EYS: variants seen among roughly 807,000 people sequenced by gnomAD.
The protein encoded by EYS is protein eyes shut homolog.
A neutral mutation model predicts 282.1 loss-of-function variants in EYS; 250 were observed. The ratio of observed to expected loss-of-function variants is 0.89; its 90% CI spans 0.80 to 0.98. EYS has a LOEUF of 0.98. Ranked by LOEUF, EYS falls within the 50% of genes least tolerant of loss-of-function variation. The pLI, the probability that EYS is intolerant of heterozygous loss-of-function variation, is 0.00. For missense variants in EYS, 4,016 were observed against 3,709.0 expected (o/e 1.08, Z -2.15); for synonymous variants, 1,355 against 1,282.9 (o/e 1.06, Z -1.20).
At chr6:65,574,398 G>T (rs751174879) in intron 2 of EYS, among the ~76,000 whole-genome samples, 4 of 152,144 alleles carry the variant, frequency 2.6e-5, no homozygotes, top group African/African-American at 7.2e-5. Context: ...TAACACATAA[G>T]AATGTATGTA....
intron 2 of EYS, among the ~76,000 whole-genome samples, chr6:65,500,865 A>T (rs1766424839): frequency 6.6e-6 from 1 of 151,926 alleles, no homozygotes; most frequent in Non-Finnish European, 1.5e-5. Flanking sequence ...AAGAGCCACA[A>T]GACTGTCACA....
intron 19 of EYS, among the ~76,000 whole-genome samples, chr6:64,858,731 T>C (rs1156923598): frequency 6.6e-6 from 1 of 152,154 alleles, no homozygotes; most frequent in Admixed American, 6.5e-5. Flanking sequence ...AGAAAAATTA[T>C]ATGAAATCAT....
At position 64,947,653 on chromosome 6, in the gene EYS, C is replaced by CT. The variant is rs67440131; in HGVS notation, c.2260-1740dup. ...ATTGGTTGCGTTTGGCTTATTTTTT[C>CT]TTTTTTTTTTTTTTTGTAAACATTA... On this transcript the variant is annotated intron_variant, in intron 14 of 42. Transcript: ENST00000503581. 4.2e-3 allele frequency among the ~76,000 whole-genome samples: 542 copies of CT among 129,244 alleles called. 1 individual carries two copies. The highest frequency in any genetic ancestry group is 0.019 in the East Asian group (86 of 4,472). The allele number at this position is 129,244 out of a possible 152,430, so 84.8% of individuals were successfully genotyped here.
At chr6:65,141,795 T>C (rs1192770085) in intron 12 of EYS, among the ~76,000 whole-genome samples, 2 of 152,076 alleles carry the variant, frequency 1.3e-5, no homozygotes, top group Non-Finnish European at 2.9e-5. Flanking sequence ...CACAAAATTT[T>C]CAAGGGTTGA....
Position 64,591,812 on chromosome 6 carries a change from T to G in EYS, c.4055A>C (p.Asn1352Thr). The change falls in exon 26 of 43, where the codon AAT becomes ACT. Residue 1352 changes from asparagine to threonine, a missense_variant. Asn to Thr is a moderately conservative substitution (Grantham distance 65). Coordinates refer to ENST00000503581, the MANE Select transcript of EYS (RefSeq NM_001142800.2). Reference protein sequence around the residue: ...SADVSSSRFLNFGIRDPAQIV... With the variant: ...SADVSSSRFLTFGIRDPAQIV... ...TTGTGCTGGGTCACGAATACCAAAA[T>G]TCAGGAATCGAGAAGAGGAAACATC... 1.3e-6 allele frequency: 2 copies of G among 1,551,248 alleles called. No homozygotes were observed. Among genetic ancestry groups the G allele is most frequent in the Non-Finnish European group, 1.7e-6 (2 of 1,146,718 alleles).
At chr6:64,423,148 T>C (rs1443037311) in intron 28 of EYS, among the ~76,000 whole-genome samples, 2 of 152,160 alleles carry the variant, frequency 1.3e-5, no homozygotes, top group Non-Finnish European at 2.9e-5. Context: ...TAAGTGAAGT[T>C]TTCACTCTCA....
rs1345091260 is a variant in EYS, at chr6:65,680,144, T to TAA, written c.-448+26990_-448+26991insTT. Among the ~76,000 whole-genome samples the TAA allele has an allele frequency of 2.0e-5, 3 of 151,152 alleles. No individual in the cohort carries two copies. The East Asian group carries it at 5.9e-4, about 30-fold the overall frequency. ...GCAAATGTTCTCAATCAATATAAGT[T>TAA]ACATTGAAGTTAAATTCATTGTTTG... On this transcript the variant is annotated intron_variant, in intron 1 of 42. Transcript: ENST00000503581.
chr6:63,953,900 T>C (rs1002547249), intron 35 of EYS, among the ~76,000 whole-genome samples: 3 of 152,212 alleles, frequency 2.0e-5, no homozygotes, highest in Admixed American at 6.5e-5. Context: ...TGTCTGTGTG[T>C]GGTGGCTGCC....
intron 26 of EYS, among the ~76,000 whole-genome samples, chr6:64,528,152 A>C (rs548300117): frequency 1.1e-4 from 16 of 152,034 alleles, no homozygotes; most frequent in Admixed American, 9.8e-4. Flanking sequence ...ATTTTTCCAA[A>C]GTTTGAAAAT....
chr6:64,036,309 G>T (rs1317992564), intron 33 of EYS, among the ~76,000 whole-genome samples: 1 of 152,176 alleles, frequency 6.6e-6, no homozygotes, highest in African/African-American at 2.4e-5. Flanking sequence ...GAGAGCTAAT[G>T]CAGGAGCTAC....
chr6:64,776,835 G>C (rs2149990374), intron 22 of EYS, among the ~76,000 whole-genome samples: 1 of 152,230 alleles, frequency 6.6e-6, no homozygotes, highest in South Asian at 2.1e-4. Flanking sequence ...AGTGAGACAG[G>C]AACATTCCTG....
At chr6:64,519,373 A>G (rs1215448635) in intron 26 of EYS, among the ~76,000 whole-genome samples, 1 of 151,880 alleles carries the variant, frequency 6.6e-6, no homozygotes, top group African/African-American at 2.4e-5. Context: ...AGTCTTTGAT[A>G]TAGAGATTTG....
chr6:63,963,651 T>A (rs1351709025), intron 35 of EYS, among the ~76,000 whole-genome samples: 2 of 151,854 alleles, frequency 1.3e-5, no homozygotes, highest in Admixed American at 1.3e-4. Context: ...TGGGTTTTCA[T>A]TTTTTTTCAC....
At chr6:65,529,041 C>T (rs1296422264) in intron 2 of EYS, among the ~76,000 whole-genome samples, 2 of 151,846 alleles carry the variant, frequency 1.3e-5, no homozygotes, top group Non-Finnish European at 2.9e-5. Flanking sequence ...CTTCTTTAAC[C>T]GTTTTAAGTT....
intron 26 of EYS, among the ~76,000 whole-genome samples, chr6:64,552,480 C>G (rs1765113810): frequency 6.6e-6 from 1 of 152,130 alleles, no homozygotes; most frequent in African/African-American, 2.4e-5. Flanking sequence ...ACAATGTCTT[C>G]TCTCCGAAGC....
intron 2 of EYS, among the ~76,000 whole-genome samples, chr6:65,577,956 A>C (rs1764733611): frequency 6.6e-6 from 1 of 151,880 alleles, no homozygotes; most frequent in Non-Finnish European, 1.5e-5. Flanking sequence ...TGTTAAGAAA[A>C]GGGAACAACT....
chr6:64,327,575 A>G (rs79118434), intron 29 of EYS, among the ~76,000 whole-genome samples: 4,626 of 152,142 alleles, frequency 0.03, 222 homozygotes, highest in African/African-American at 0.11. Context: ...CACCCAGATC[A>G]GTTTCCATAT....
At chr6:64,884,655 T>G (rs1213316356) in intron 19 of EYS, among the ~76,000 whole-genome samples, 2 of 151,558 alleles carry the variant, frequency 1.3e-5, no homozygotes, top group Admixed American at 6.6e-5. Context: ...TGTCCATGTA[T>G]GAAAGAGAAG....
chr6:64,392,341 A>G (rs966754243), intron 28 of EYS, among the ~76,000 whole-genome samples: 2 of 150,100 alleles, frequency 1.3e-5, no homozygotes, highest in Non-Finnish European at 2.9e-5. Context: ...CCAGCATCAC[A>G]CCACACCTAT....
Sources: allele counts gnomAD v4.1 joint callset (sites outside exome capture counted in the v4.1 genomes callset), GRCh38; gene constraint gnomAD v4.1.1; transcripts MANE v1.5; gene names NCBI Gene and HGNC (gene_info 2026-07-23, HGNC 2026-07-21).